Variants in STX18 observed in about 807,000 individuals in gnomAD.
The protein encoded by STX18 is syntaxin-18.
Under a neutral mutation model 50.1 loss-of-function variants are expected in STX18, and 40 were observed. The observed-to-expected ratio is 0.80, with a 90% CI of 0.62 to 1.04. The LOEUF (loss-of-function observed/expected upper bound fraction) is 1.04, where lower values mean the gene tolerates loss of function less well. Ranked by LOEUF, STX18 falls within the 50% of genes least tolerant of loss-of-function variation. The pLI, the probability that STX18 is intolerant of heterozygous loss-of-function variation, is 0.00. For synonymous variants in STX18, 158 were observed against 151.8 expected, an observed-to-expected ratio of 1.04 and a Z score of -0.30; for missense variants, 410 against 415.8, an observed-to-expected ratio of 0.99 and a Z score of 0.12.
intron 1 of STX18, among the ~76,000 whole-genome samples, chr4:4,515,766 A>G (rs545544238): frequency 6.6e-6 from 1 of 152,282 alleles, no homozygotes; most frequent in South Asian, 2.1e-4. Flanking sequence ...GCACATAAAA[A>G]AGAGTTATAG....
rs150005976 is a variant in STX18 at position 4,533,473 on chromosome 4, G to A, written c.168+8324C>T. Among the ~76,000 whole-genome samples the A allele has an allele frequency of 3.0e-4, 46 of 152,186 alleles. No homozygotes were observed. In the Middle Eastern group the frequency reaches 0.014, roughly 45 times the overall value. Reference sequence around the variant, plus strand: ...AAAAAGAGAAAAATTAAATGAGATCGGGCACATAAAGTCCTTAACCGAGTT... The same window carrying A: ...AAAAAGAGAAAAATTAAATGAGATCAGGCACATAAAGTCCTTAACCGAGTT... On this transcript the variant is annotated intron_variant, in intron 1 of 10. Coordinates refer to ENST00000306200, the MANE Select transcript of STX18 (RefSeq NM_016930.4).
intron 1 of STX18, among the ~76,000 whole-genome samples, chr4:4,489,023 T>C (rs1045248837): frequency 2.6e-5 from 4 of 152,158 alleles, no homozygotes; most frequent in Non-Finnish European, 5.9e-5. Flanking sequence ...ACCCCAAAAG[T>C]AGAAATGTTT....
At position 4,529,160 on chromosome 4, in the gene STX18, G is replaced by A. The variant is rs546388072; in HGVS notation, c.168+12637C>T. Reference sequence around the variant, plus strand: ...GGGCGGATCACGAGGTCAGGAGATCGAGACTATCCTGGCTAACACGGTGAA... The same window carrying A: ...GGGCGGATCACGAGGTCAGGAGATCAAGACTATCCTGGCTAACACGGTGAA... On this transcript the variant is annotated intron_variant, in intron 1 of 10. Coordinates refer to ENST00000306200, the MANE Select transcript of STX18 (RefSeq NM_016930.4). Among the ~76,000 whole-genome samples the A allele has an allele frequency of 1.1e-3, 170 of 152,202 alleles. 1 individual carries two copies. Among genetic ancestry groups the A allele is most frequent in the African/African-American group, 4.0e-3 (164 of 41,512 alleles).
At chr4:4,425,616 C>A (rs3935096) in intron 7 of STX18, 3 of 201,530 alleles carry the variant, frequency 1.5e-5, no homozygotes, top group Admixed American at 5.3e-5. Flanking sequence ...AAGGACTATA[C>A]ATATTTTTTA....
chr4:4,447,592 C>CAAAAAAAAAA (rs34300930), intron 5 of STX18, among the ~76,000 whole-genome samples: 26 of 45,906 alleles, frequency 5.7e-4, no homozygotes, highest in South Asian at 1.5e-3. Flanking sequence ...CTCCGTCTCA[C>CAAAAAAAAAA]AAAAAAAAAA....
chr4:4,477,021 G>A (rs990476826), intron 1 of STX18, among the ~76,000 whole-genome samples: 1 of 151,874 alleles, frequency 6.6e-6, no homozygotes, highest in Non-Finnish European at 1.5e-5. Flanking sequence ...CCAACATGGC[G>A]AAACCCCGTC....
At chr4:4,477,471 T>C (rs1359768616) in intron 1 of STX18, among the ~76,000 whole-genome samples, 2 of 152,184 alleles carry the variant, frequency 1.3e-5, no homozygotes, top group African/African-American at 4.8e-5. Context: ...AAACTTTCAC[T>C]GGGACCTCAC....
intron 1 of STX18, among the ~76,000 whole-genome samples, chr4:4,520,559 A>G (rs1324705691): frequency 1.3e-5 from 2 of 152,240 alleles, no homozygotes; most frequent in Non-Finnish European, 2.9e-5. Flanking sequence ...GCCACTTTTA[A>G]ATAATGTGCT....
At chr4:4,499,823 G>T (rs1729351134) in intron 1 of STX18, among the ~76,000 whole-genome samples, 1 of 151,642 alleles carries the variant, frequency 6.6e-6, no homozygotes, top group Non-Finnish European at 1.5e-5. Context: ...AAGAATAAAA[G>T]AATGTGCGTT....
chr4:4,455,913 T>C (rs911368554), intron 5 of STX18, among the ~76,000 whole-genome samples: 1 of 152,100 alleles, frequency 6.6e-6, no homozygotes, highest in African/African-American at 2.4e-5. Flanking sequence ...AGCAGGACTG[T>C]ATGTTGAGTC....
intron 1 of STX18, among the ~76,000 whole-genome samples, chr4:4,538,698 C>T (rs1405669913): frequency 6.6e-6 from 1 of 152,124 alleles, no homozygotes; most frequent in African/African-American, 2.4e-5. Flanking sequence ...TTATCACGTC[C>T]ACTTTATAGA....
chr4:4,457,044 A>C, intron 5 of STX18, 147 bp downstream of exon 5: 2 of 701,228 alleles, frequency 2.9e-6, no homozygotes, highest in Non-Finnish European at 4.8e-6. Context: ...CCTGGCACAC[A>C]GTGAGTGCCC....
At chr4:4,475,463 A>AC (rs1242524527) in intron 1 of STX18, among the ~76,000 whole-genome samples, 1 of 122,960 alleles carries the variant, frequency 8.1e-6, no homozygotes, top group East Asian at 1.9e-4. Context: ...AATTTCTTTA[A>AC]AAAAAAACAA....
At chr4:4,428,631 A>C (rs1725374294) in intron 7 of STX18, among the ~76,000 whole-genome samples, 1 of 152,070 alleles carries the variant, frequency 6.6e-6, no homozygotes, top group East Asian at 1.9e-4. Flanking sequence ...CTAGTCTCAA[A>C]GTCCTAGAGG....
chr4:4,506,003 C>G (rs1729689961), intron 1 of STX18, among the ~76,000 whole-genome samples: 1 of 152,152 alleles, frequency 6.6e-6, no homozygotes, highest in Non-Finnish European at 1.5e-5. Flanking sequence ...ACCAGTACTT[C>G]ATTTTTTATT....
At chr4:4,423,865 G>A (rs545353025) in intron 8 of STX18, 39 of 474,582 alleles carry the variant, frequency 8.2e-5, no homozygotes, top group African/African-American at 3.7e-4. Flanking sequence ...TGTGTGCAGT[G>A]CCCTTTGCAT....
chr4:4,488,621 G>A (rs1203158162), intron 1 of STX18, among the ~76,000 whole-genome samples: 3 of 152,176 alleles, frequency 2.0e-5, no homozygotes, highest in Non-Finnish European at 4.4e-5. Flanking sequence ...GAGCAGTACA[G>A]TACATCAAAA....
At chr4:4,472,602 T>C (rs1727977968) in intron 1 of STX18, among the ~76,000 whole-genome samples, 1 of 152,246 alleles carries the variant, frequency 6.6e-6, no homozygotes, top group African/African-American at 2.4e-5. Context: ...TTTGCTCTGA[T>C]CTTAAAAGGA....
At chr4:4,455,871 G>A (rs967376665) in intron 5 of STX18, among the ~76,000 whole-genome samples, 4 of 152,200 alleles carry the variant, frequency 2.6e-5, no homozygotes, top group Non-Finnish European at 2.9e-5. Context: ...GTTTTGCTTC[G>A]TATCCTTTCA....
Sources: allele counts gnomAD v4.1 joint callset (sites outside exome capture counted in the v4.1 genomes callset), GRCh38; gene constraint gnomAD v4.1.1; transcripts MANE v1.5; gene names NCBI Gene and HGNC (gene_info 2026-07-23, HGNC 2026-07-21).